ZNF428: variants seen among roughly 807,000 people sequenced by gnomAD.
ZNF428 encodes enzyme-like protein PIT13.
ZNF428 carries 5 observed loss-of-function variants against 15.6 expected under a neutral mutation model. The observed-to-expected ratio is 0.32, with a 90% CI of 0.17 to 0.67. The LOEUF (loss-of-function observed/expected upper bound fraction) is 0.67, where lower values mean the gene tolerates loss of function less well. ZNF428 is among the 30% of genes least tolerant of loss of function. The pLI, the probability that ZNF428 is intolerant of heterozygous loss-of-function variation, is 0.73. For missense variants in ZNF428, 237 were observed against 256.0 expected (o/e 0.93, Z 0.51); for synonymous variants, 97 against 102.2 (o/e 0.95, Z 0.31).
chr19:43,612,600 C>T lies in ZNF428; in HGVS notation c.76+1629G>A, dbSNP rs1973312148. On this transcript the variant is annotated intron_variant, in intron 2 of 2. Coordinates refer to ENST00000300811, the MANE Select transcript of ZNF428 (RefSeq NM_182498.4). This position sits in a 1 kb window ranked among gnomAD's most constrained non-coding sequence, Gnocchi z 4.2. ...CCAGGCATGGCCAGCAGGGTGAGAA[C>T]TCCCACTTCACAGCAAAAAGGGAGC... 6.4e-7 allele frequency: 1 copy of T among 1,551,546 alleles called. No individual in the cohort carries two copies.
intron 2 of ZNF428, 98 bp from the exon 3 acceptor site, chr19:43,608,205 G>A (rs1973260811): frequency 2.0e-6 from 3 of 1,492,266 alleles, no homozygotes; most frequent in African/African-American, 1.4e-5. Context: ...ACTTGCCATA[G>A]TATGACAAGG....
In ZNF428 at chr19:43,607,611, C is replaced by G; in HGVS notation, c.*6G>C. 6.4e-7 allele frequency: 1 copy of G among 1,561,954 alleles called. No individual in the cohort carries two copies. The highest frequency in any genetic ancestry group is 2.3e-5 in the East Asian group (1 of 43,890). On this transcript the variant is annotated 3_prime_UTR_variant, in exon 3 of 3. Coordinates refer to ENST00000300811, the MANE Select transcript of ZNF428 (RefSeq NM_182498.4). The surrounding 1 kb of genome is among the most constrained non-coding windows in gnomAD (Gnocchi z 5.1). The stretch of plus-strand genomic sequence containing the variant: ...TTCTGCCAAGCTCCCCGTATGGGGG[C>G]TCTGCCTACACCTCACCCCGGGCAT...
chr19:43,607,667 G>C lies in ZNF428; in HGVS notation c.517C>G (p.Leu173Val). ...CTECEDSFDN[L>V]GELHGHFMLH... ...ATGAAGTGCCCGTGCAGCTCCCCCA[G>C]GTTGTCGAAGGAATCCTCACATTCC... The change falls in exon 3 of 3, where the codon CTG becomes GTG. Residue 173 changes from leucine (L) to valine (V), a missense_variant. Coordinates refer to ENST00000300811, the MANE Select transcript of ZNF428 (RefSeq NM_182498.4). This position sits in a 1 kb window ranked among gnomAD's most constrained non-coding sequence, Gnocchi z 5.1. 1 of 1,610,558 alleles carries C rather than the reference G, an allele frequency of 6.2e-7. No individual in the cohort carries two copies. The highest frequency in any genetic ancestry group is 8.5e-7 in the Non-Finnish European group (1 of 1,177,862).
At chr19:43,611,699 G>C (rs1012737624) in intron 2 of ZNF428, among the ~76,000 whole-genome samples, 1 of 152,120 alleles carries the variant, frequency 6.6e-6, no homozygotes, top group South Asian at 2.1e-4. Flanking sequence ...TGAAGTCCTC[G>C]CTGACTCCCC....
At chr19:43,611,006 C>T (rs1316441560) in intron 2 of ZNF428, among the ~76,000 whole-genome samples, 1 of 152,102 alleles carries the variant, frequency 6.6e-6, no homozygotes, top group Non-Finnish European at 1.5e-5. Context: ...ACCTGGTGAC[C>T]CCCTACTCAT....
intron 2 of ZNF428, among the ~76,000 whole-genome samples, chr19:43,610,567 C>T (rs894679869): frequency 2.0e-5 from 3 of 152,212 alleles, no homozygotes; most frequent in African/African-American, 4.8e-5. Flanking sequence ...TGCCTGTCCC[C>T]GAGAGCTGGG....
chr19:43,609,785 G>A (rs1341748526), intron 2 of ZNF428, among the ~76,000 whole-genome samples: 3 of 152,002 alleles, frequency 2.0e-5, no homozygotes, highest in Non-Finnish European at 2.9e-5. Context: ...GTTGATATAC[G>A]GAAAAGGGCG....
rs1335015673 is a variant in ZNF428 at position 43,612,090 on chromosome 19, C to T, written c.76+2139G>A. ...ACCAGGTGTTTCATGTCTACTGTGA[C>T]TTCCAGGACCACAAGCCCTTTTGCG... On this transcript the variant is annotated intron_variant, in intron 2 of 2. Transcript: ENST00000300811. The surrounding 1 kb of genome is among the most constrained non-coding windows in gnomAD (Gnocchi z 4.2). 12 of 1,502,760 alleles carry T rather than the reference C, an allele frequency of 8.0e-6. No homozygotes were observed. The highest frequency in any genetic ancestry group is 2.0e-5 in the Admixed American group (1 of 50,362). 93.1% of individuals were successfully genotyped at this position (1,502,760 alleles called of 1,614,324 possible).
chr19:43,613,867 A>ACAAT, intron 2 of ZNF428: 1 of 1,551,116 alleles, frequency 6.4e-7, no homozygotes, highest in Non-Finnish European at 8.7e-7. Flanking sequence ...GAGAGCGCAG[A>ACAAT]CAATCTAGAA....
intron 2 of ZNF428, chr19:43,613,930 T>C (rs1206801072): frequency 6.4e-7 from 1 of 1,550,802 alleles, no homozygotes; most frequent in Non-Finnish European, 8.7e-7. Flanking sequence ...ATAAGCAGAG[T>C]GGTTACAGTC....
Position 43,607,522 on chromosome 19 carries a change from C to T in ZNF428, c.*95G>A. 6.3e-6 allele frequency: 9 copies of T among 1,422,050 alleles called. No homozygotes were observed. In the Admixed American group the frequency reaches 9.6e-5, roughly 15 times the overall value. The allele number at this position is 1,422,050 out of a possible 1,614,324, so 88.1% of individuals were successfully genotyped here. The stretch of plus-strand genomic sequence containing the variant: ...TCTAAGACAACACAGACCGGCAGTA[C>T]CCCATCCCCCATGACCACTGTCACA... On this transcript the variant is annotated 3_prime_UTR_variant, in exon 3 of 3. Coordinates refer to ENST00000300811, the MANE Select transcript of ZNF428 (RefSeq NM_182498.4). The surrounding 1 kb of genome is among the most constrained non-coding windows in gnomAD (Gnocchi z 5.1).
At position 43,613,544 on chromosome 19, in the gene ZNF428, C is replaced by T. The variant is rs184949308; in HGVS notation, c.76+685G>A. The T allele has an allele frequency of 9.3e-5, 144 of 1,551,256 alleles. 2 individuals carry two copies. In the Admixed American group the frequency reaches 1.4e-3, roughly 15 times the overall value. ...TCCCAACAAGGCGAGAGATCGCAGC[C>T]GATCTAGAAGCCCCAGCAAGGAAAG... On this transcript the variant is annotated intron_variant, in intron 2 of 2. Transcript: ENST00000300811.
rs148194580 is a variant in ZNF428 at position 43,612,510 on chromosome 19, G to A, written c.76+1719C>T. 2.6e-3 allele frequency: 4,005 copies of A among 1,551,518 alleles called. 100 individuals carry two copies. The Admixed American group carries it at 0.053, about 21-fold the overall frequency. ...AGGACACCTGGCAGAAGGGGAAGCC[G>A]CAGCTCCAAGAGGTCACCCAGCAGG... On this transcript the variant is annotated intron_variant, in intron 2 of 2. Transcript: ENST00000300811. The surrounding 1 kb of genome is among the most constrained non-coding windows in gnomAD (Gnocchi z 4.2).
rs778734681 is a variant in ZNF428, at chr19:43,613,826, C to T, written c.76+403G>A. 14 of 1,549,246 alleles carry T rather than the reference C, an allele frequency of 9.0e-6. No homozygotes were observed. In the Admixed American group the frequency reaches 1.8e-4, roughly 20 times the overall value. On this transcript the variant is annotated intron_variant, in intron 2 of 2. Coordinates refer to ENST00000300811, the MANE Select transcript of ZNF428 (RefSeq NM_182498.4). The stretch of plus-strand genomic sequence containing the variant: ...CAGAAGCCCCAGCAAAGAGAGAGAT[C>T]GCAGACGATGGAGAAGCCCCAGCAA...
At chr19:43,616,475 T>A (rs1251673914) in intron 1 of ZNF428, among the ~76,000 whole-genome samples, 4 of 152,168 alleles carry the variant, frequency 2.6e-5, no homozygotes, top group Admixed American at 2.6e-4. Context: ...CTGGGAATTA[T>A]CTCCTTTGTA....
chr19:43,617,604 C>A (rs1023123416), intron 1 of ZNF428, among the ~76,000 whole-genome samples: 1 of 152,186 alleles, frequency 6.6e-6, no homozygotes, highest in Non-Finnish European at 1.5e-5. Context: ...TACCCTATTG[C>A]CTACAGGGCC....
rs372994664 is a variant in ZNF428, at chr19:43,607,814, G to A, written c.370C>T (p.Pro124Ser). The A allele has an allele frequency of 1.0e-5, 16 of 1,570,770 alleles. 1 individual carries two copies. Among genetic ancestry groups the A allele is most frequent in the African/African-American group, 1.4e-5 (1 of 73,746 alleles). The change falls in exon 3 of 3, where the codon CCA becomes TCA. Residue 124 changes from proline to serine, a missense_variant. Physicochemically the swap from Pro to Ser is moderately conservative, Grantham distance 74. Coordinates refer to ENST00000300811, the MANE Select transcript of ZNF428 (RefSeq NM_182498.4). The surrounding 1 kb of genome is among the most constrained non-coding windows in gnomAD (Gnocchi z 5.1). ...CCPATAPQEA[P>S]APEGRALGEE... ...CCGAGGGCCCTGCCTTCAGGGGCTG[G>A]TGCTTCCTGGGGGGCTGTAGCAGGG...
In ZNF428 at chr19:43,607,881, A is replaced by C. The variant is rs776457879; in HGVS notation, c.303T>G (p.Leu101=). 2.6e-6 allele frequency: 4 copies of C among 1,558,628 alleles called. No homozygotes were observed. The East Asian group carries it at 7.2e-5, about 28-fold the overall frequency. Residue 101 remains leucine (L), a synonymous_variant, in exon 3 of 3, where the codon CTT becomes CTG. Coordinates refer to ENST00000300811, the MANE Select transcript of ZNF428 (RefSeq NM_182498.4). The surrounding 1 kb of genome is among the most constrained non-coding windows in gnomAD (Gnocchi z 5.1). Reference sequence around the variant, plus strand: ...GTGGGGTTCCCGGTGGGGCCTCCCCAAGGGGTGAGCGGCCACAGAGCTGGC... The same window carrying C: ...GTGGGGTTCCCGGTGGGGCCTCCCCCAGGGGTGAGCGGCCACAGAGCTGGC... The part of the protein sequence containing the change: ...QPCQLCGRSP[L]GEAPPGTPPC...
intron 1 of ZNF428, among the ~76,000 whole-genome samples, chr19:43,616,727 T>C (rs73556581): frequency 0.018 from 2,803 of 151,944 alleles, 49 homozygotes; most frequent in African/African-American, 0.048. Context: ...TCCAGACCTC[T>C]CATCTCTCCC....
Sources: gnomAD v4.1 joint callset for allele counts (sites outside exome capture counted in the v4.1 genomes callset) on GRCh38, gnomAD v4.1.1 for gene constraint, Gnocchi (gnomAD v3.1) non-coding constraint, MANE v1.5 for transcripts, NCBI Gene and HGNC (gene_info 2026-07-23, HGNC 2026-07-21) for gene names.